ANKRD33B: variants seen among roughly 807,000 people sequenced by gnomAD.
ANKRD33B encodes ankyrin repeat domain-containing protein 33B.
A neutral mutation model predicts 21.5 loss-of-function variants in ANKRD33B; 6 were observed. The observed-to-expected ratio is 0.28, with a 90% CI of 0.15 to 0.55. The LOEUF is 0.55. Ranked by LOEUF, ANKRD33B falls within the 20% of genes least tolerant of loss-of-function variation. The pLI, the probability that ANKRD33B is intolerant of heterozygous loss-of-function variation, is 0.94. For synonymous variants in ANKRD33B, 347 were observed against 342.4 expected, an observed-to-expected ratio of 1.01 and a Z score of -0.15; for missense variants, 698 against 747.2, an observed-to-expected ratio of 0.93 and a Z score of 0.77.
intron 3 of ANKRD33B, among the ~76,000 whole-genome samples, chr5:10,643,573 TG>T (rs1737114284): frequency 6.6e-6 from 1 of 151,702 alleles, no homozygotes; most frequent in Non-Finnish European, 1.5e-5. Context: ...CTCAGCACTG[TG>T]GGAGGCTGAG....
chr5:10,647,644 G>A (rs1490486769), intron 3 of ANKRD33B, among the ~76,000 whole-genome samples: 1 of 152,150 alleles, frequency 6.6e-6, no homozygotes, highest in Non-Finnish European at 1.5e-5. Flanking sequence ...AATAGGATGT[G>A]GATATCAAGA....
rs1736664511 is a variant in ANKRD33B at position 10,629,825 on chromosome 5, C to T, written c.497-8203C>T. On this transcript the variant is annotated intron_variant, in intron 2 of 3. Transcript: ENST00000296657. ...AGCATCTGCATGTCCATGGAAAGAG[C>T]GTGTTTCAGAAAGGATGAAAGAGAG... 3.3e-5 allele frequency among the ~76,000 whole-genome samples: 5 copies of T among 151,988 alleles called. No individual in the cohort carries two copies. The South Asian group carries it at 8.3e-4, about 25-fold the overall frequency.
Position 10,649,622 on chromosome 5 carries a change from C to A in ANKRD33B, c.994C>A (p.Pro332Thr). ...IVCQTVCPES[P>T]PSVGKRRLAV... is the part of the protein sequence containing the mutation. ...GTGCCAGACCGTGTGCCCTGAGAGCCCTCCGAGCGTGGGGAAGAGGCGGCT... is the reference window on the plus strand; with the variant it reads ...GTGCCAGACCGTGTGCCCTGAGAGCACTCCGAGCGTGGGGAAGAGGCGGCT... The change falls in exon 4 of 4, where the codon CCT becomes ACT. Residue 332 changes from proline to threonine, a missense_variant. Pro to Thr is a conservative substitution (Grantham distance 38). Around this residue, in one of 3 missense-constraint regions of ANKRD33B, gnomAD observed 543 missense variants for 566.5 expected, o/e 0.96. Transcript: ENST00000296657. 1 of 1,531,100 alleles carries A rather than the reference C, an allele frequency of 6.5e-7. No individual in the cohort carries two copies. Among genetic ancestry groups the A allele is most frequent in the Non-Finnish European group, 8.7e-7 (1 of 1,144,770 alleles). The allele number at this position is 1,531,100 out of a possible 1,614,324, so 94.8% of individuals were successfully genotyped here. A position where few individuals can be genotyped will look rare whatever the true frequency, so the allele number is the denominator to read the frequency against.
intron 1 of ANKRD33B, among the ~76,000 whole-genome samples, chr5:10,614,967 G>A (rs1736252070): frequency 6.6e-6 from 1 of 152,206 alleles, no homozygotes; most frequent in South Asian, 2.1e-4. Flanking sequence ...GGTGCCTGCT[G>A]CACATTTTGG....
intron 1 of ANKRD33B, among the ~76,000 whole-genome samples, chr5:10,599,224 T>C (rs556125829): frequency 2.0e-5 from 3 of 152,194 alleles, no homozygotes; most frequent in Admixed American, 6.5e-5. Flanking sequence ...CCATGTTGTG[T>C]GTACCACTAG....
intron 1 of ANKRD33B, among the ~76,000 whole-genome samples, chr5:10,584,549 A>T (rs1325384078): frequency 2.6e-5 from 4 of 152,078 alleles, no homozygotes; most frequent in Non-Finnish European, 4.4e-5. Flanking sequence ...TGTCTCAAAA[A>T]AATAATAAAA....
chr5:10,576,681 C>G lies in ANKRD33B; in HGVS notation c.366+11848C>G, dbSNP rs1471091273. Among the ~76,000 whole-genome samples, 2 of 152,200 alleles carry G rather than the reference C, an allele frequency of 1.3e-5. No homozygotes were observed. Among genetic ancestry groups the G allele is most frequent in the Non-Finnish European group, 2.9e-5 (2 of 68,040 alleles). ...TAAACAGAGCTGTTGTTTCTATGGGCGAATGAATCTCCAGATGGTTTTCCA... is the reference window on the plus strand; with the variant it reads ...TAAACAGAGCTGTTGTTTCTATGGGGGAATGAATCTCCAGATGGTTTTCCA... On this transcript the variant is annotated intron_variant, in intron 1 of 3. Coordinates refer to ENST00000296657, the MANE Select transcript of ANKRD33B (RefSeq NM_001164440.2). This position sits in a 1 kb window ranked among gnomAD's most constrained non-coding sequence, Gnocchi z 4.1.
intron 2 of ANKRD33B, chr5:10,625,202 A>G (rs1302986537): frequency 6.4e-6 from 1 of 156,198 alleles, no homozygotes; most frequent in Non-Finnish European, 1.4e-5. Context: ...ATTTTAATCA[A>G]TTTCATAACC....
intron 2 of ANKRD33B, among the ~76,000 whole-genome samples, chr5:10,626,157 GT>G (rs1736540552): frequency 6.6e-6 from 1 of 152,222 alleles, no homozygotes; most frequent in Non-Finnish European, 1.5e-5. Context: ...TTCCACCCTG[GT>G]CCCCTGCTGA....
chr5:10,572,814 C>G (rs1160250095), intron 1 of ANKRD33B, among the ~76,000 whole-genome samples: 4 of 152,220 alleles, frequency 2.6e-5, no homozygotes, highest in Non-Finnish European at 5.9e-5. Flanking sequence ...CCTGTCCATG[C>G]CTCTCCCAGC....
intron 1 of ANKRD33B, among the ~76,000 whole-genome samples, chr5:10,605,128 G>A (rs1227901003): frequency 6.6e-6 from 1 of 152,192 alleles, no homozygotes; most frequent in Non-Finnish European, 1.5e-5. Flanking sequence ...CTCCCTGTGG[G>A]TCTCTCCATA....
intron 2 of ANKRD33B, 111 bp from the exon 3 acceptor site, chr5:10,637,917 G>A (rs1274617155): frequency 7.2e-6 from 9 of 1,257,082 alleles, no homozygotes; most frequent in African/African-American, 3.0e-5. Flanking sequence ...ACAGCAGACC[G>A]GCTGGCCCAG....
intron 1 of ANKRD33B, among the ~76,000 whole-genome samples, chr5:10,573,627 GC>G (rs1381145904): frequency 6.6e-6 from 1 of 152,174 alleles, no homozygotes; most frequent in Admixed American, 6.5e-5. Context: ...GGCTGGGGAG[GC>G]CCCAGGAAAC....
intron 1 of ANKRD33B, among the ~76,000 whole-genome samples, chr5:10,573,984 C>G (rs1021577172): frequency 2.0e-5 from 3 of 152,224 alleles, no homozygotes; most frequent in Non-Finnish European, 2.9e-5. Context: ...CCCCTCCACT[C>G]CCCATCACAA....
intron 2 of ANKRD33B, among the ~76,000 whole-genome samples, chr5:10,621,413 C>T (rs1054018818): frequency 6.6e-6 from 1 of 152,200 alleles, no homozygotes; most frequent in Non-Finnish European, 1.5e-5. Context: ...AAATGCAACA[C>T]CATAGTATTC....
chr5:10,586,660 T>C (rs1434211840), intron 1 of ANKRD33B, among the ~76,000 whole-genome samples: 1 of 152,210 alleles, frequency 6.6e-6, no homozygotes, highest in Non-Finnish European at 1.5e-5. Context: ...ATGCGCAATT[T>C]AGGAAATTGC....
At chr5:10,572,857 A>T (rs953172295) in intron 1 of ANKRD33B, among the ~76,000 whole-genome samples, 1 of 152,178 alleles carries the variant, frequency 6.6e-6, no homozygotes, top group Non-Finnish European at 1.5e-5. Context: ...GTGGGTCCTA[A>T]TTCAAGGGCC....
At chr5:10,581,791 G>T (rs746233143) in intron 1 of ANKRD33B, among the ~76,000 whole-genome samples, 1 of 152,194 alleles carries the variant, frequency 6.6e-6, no homozygotes, top group Non-Finnish European at 1.5e-5. Flanking sequence ...AAGAAATTCT[G>T]CCTCAAAGCT....
At chr5:10,598,268 G>GT (rs1735859165) in intron 1 of ANKRD33B, among the ~76,000 whole-genome samples, 1 of 151,890 alleles carries the variant, frequency 6.6e-6, no homozygotes, top group South Asian at 2.1e-4. Context: ...TTTATATTTT[G>GT]TTTTTTGTTT....
Sources: gnomAD v4.1 joint callset for allele counts (sites outside exome capture counted in the v4.1 genomes callset) on GRCh38, gnomAD v4.1.1 for gene constraint, gnomAD v4.1.1 regional missense constraint, Gnocchi (gnomAD v3.1) non-coding constraint, MANE v1.5 for transcripts, NCBI Gene and HGNC (gene_info 2026-07-23, HGNC 2026-07-21) for gene names.